The following NTM variants were observed in gnomAD, a reference collection of about 807,000 sequenced individuals.
NTM encodes IgLON family member 2.
NTM carries 13 observed loss-of-function variants against 42.1 expected under a neutral mutation model. The ratio of observed to expected loss-of-function variants is 0.31; its 90% CI spans 0.20 to 0.49. The LOEUF (loss-of-function observed/expected upper bound fraction) is 0.49. NTM is among the 20% of genes least tolerant of loss of function. The pLI, the probability that NTM is intolerant of heterozygous loss-of-function variation, is 0.99. For missense variants in NTM, 373 were observed against 452.8 expected, an observed-to-expected ratio of 0.82 and a Z score of 1.60; for synonymous variants, 187 against 179.2, an observed-to-expected ratio of 1.04 and a Z score of -0.35.
intron 1 of NTM, among the ~76,000 whole-genome samples, chr11:131,595,188 T>A (rs2059711362): frequency 6.6e-6 from 1 of 152,172 alleles, no homozygotes; most frequent in Non-Finnish European, 1.5e-5. Flanking sequence ...CTGCTCTGTC[T>A]AGGGCTCATC....
chr11:131,937,990 A>G (rs2059403839), intron 2 of NTM, among the ~76,000 whole-genome samples: 1 of 152,186 alleles, frequency 6.6e-6, no homozygotes, highest in Admixed American at 6.5e-5. Context: ...CCTAATAGGC[A>G]TGCTCTTAAT....
chr11:131,371,232 A>G (rs544883342), intron 1 of NTM, among the ~76,000 whole-genome samples: 1 of 152,354 alleles, frequency 6.6e-6, no homozygotes, highest in South Asian at 2.1e-4. Flanking sequence ...ACAGATTCGG[A>G]GGGCAACAGG....
At chr11:131,878,899 A>T (rs1345276170) in intron 1 of NTM, among the ~76,000 whole-genome samples, 1 of 151,816 alleles carries the variant, frequency 6.6e-6, no homozygotes, top group Non-Finnish European at 1.5e-5. Flanking sequence ...CCACCCCTAA[A>T]TACTCCAGTG....
At chr11:132,004,336 T>C (rs1358625625) in intron 2 of NTM, among the ~76,000 whole-genome samples, 1 of 152,212 alleles carries the variant, frequency 6.6e-6, no homozygotes, top group Non-Finnish European at 1.5e-5. Flanking sequence ...TCTGTCAAAA[T>C]ATGTCTCATT....
At chr11:131,594,401 A>G (rs2059638521) in intron 1 of NTM, among the ~76,000 whole-genome samples, 1 of 151,970 alleles carries the variant, frequency 6.6e-6, no homozygotes, top group Non-Finnish European at 1.5e-5. Flanking sequence ...AGGAAAGTTT[A>G]CCAATTTTTT....
At chr11:131,880,038 G>A (rs1032268840) in intron 1 of NTM, among the ~76,000 whole-genome samples, 4 of 152,168 alleles carry the variant, frequency 2.6e-5, no homozygotes, top group Admixed American at 2.6e-4. Flanking sequence ...TAAGAGGCTG[G>A]AGACATCGAA....
chr11:131,671,473 G>C, intron 1 of NTM: 3 of 985,418 alleles, frequency 3.0e-6, no homozygotes, highest in Non-Finnish European at 3.6e-6. Flanking sequence ...CAGAGAATGT[G>C]GTTGAATCAG....
chr11:132,056,944 G>T (rs2079776510), intron 2 of NTM, among the ~76,000 whole-genome samples: 1 of 152,160 alleles, frequency 6.6e-6, no homozygotes, highest in Non-Finnish European at 1.5e-5. Context: ...ACAGCTTCTT[G>T]GTTCCAGGGG....
At chr11:132,100,901 G>A (rs1249760079) in intron 2 of NTM, among the ~76,000 whole-genome samples, 1 of 152,162 alleles carries the variant, frequency 6.6e-6, no homozygotes, top group Non-Finnish European at 1.5e-5. Flanking sequence ...ACTACAGAGG[G>A]AAATTTGACA....
intron 1 of NTM, 105 bp downstream of exon 1, chr11:131,370,993 G>C: frequency 6.5e-7 from 1 of 1,549,982 alleles, no homozygotes; most frequent in East Asian, 2.3e-5. Context: ...CTGTTTGCAG[G>C]TGGAGGAGAG....
At chr11:132,145,274 A>T (rs1405232619) in intron 2 of NTM, among the ~76,000 whole-genome samples, 1 of 152,236 alleles carries the variant, frequency 6.6e-6, no homozygotes, top group Non-Finnish European at 1.5e-5. Flanking sequence ...ATTTGTTGCA[A>T]AACATCAAAG....
chr11:132,097,507 T>C (rs942619509), intron 2 of NTM, among the ~76,000 whole-genome samples: 2 of 152,230 alleles, frequency 1.3e-5, no homozygotes, highest in African/African-American at 2.4e-5. Context: ...GAAAGACGAC[T>C]TCCATCTCTT....
At chr11:131,408,562 G>A (rs1242222985) in intron 1 of NTM, among the ~76,000 whole-genome samples, 2 of 152,162 alleles carry the variant, frequency 1.3e-5, no homozygotes, top group Non-Finnish European at 2.9e-5. Context: ...CCACTTTTGA[G>A]TATTTACTTT....
At position 132,262,599 on chromosome 11, in the gene NTM, T is replaced by C. The variant is rs75759164; in HGVS notation, c.527-45090T>C. 3.2e-4 allele frequency among the ~76,000 whole-genome samples: 48 copies of C among 152,286 alleles called. No homozygotes were observed. In the East Asian group the frequency reaches 8.3e-3, roughly 26 times the overall value. The stretch of plus-strand genomic sequence containing the variant: ...TTTTTTTATCTATTCTTACGAGGAC[T>C]TTAATTCCATTCACGAGGACTCCAC... On this transcript the variant is annotated intron_variant, in intron 4 of 8. Coordinates refer to ENST00000683400, the MANE Select transcript of NTM (RefSeq NM_001352005.2).
chr11:131,568,020 C>T lies in NTM; in HGVS notation c.82+197132C>T, dbSNP rs139149900. On this transcript the variant is annotated intron_variant, in intron 1 of 8. Transcript: ENST00000683400. ...AGAGCATAGCAAACACTACTGAAAC[C>T]GCATCATCAGCTGAGAGCACAGTCC... 2.4e-3 allele frequency among the ~76,000 whole-genome samples: 367 copies of T among 152,286 alleles called. 2 individuals carry two copies. Among genetic ancestry groups the T allele is most frequent in the Non-Finnish European group, 3.0e-3 (204 of 68,012 alleles).
intron 1 of NTM, chr11:131,538,165 A>G (rs1256868675): frequency 6.6e-6 from 1 of 152,212 alleles, no homozygotes; most frequent in African/African-American, 2.4e-5. Flanking sequence ...AAATTTTAAA[A>G]CATGAACATG....
intron 1 of NTM, among the ~76,000 whole-genome samples, chr11:131,457,860 A>G (rs1265103733): frequency 3.3e-5 from 5 of 152,086 alleles, no homozygotes; most frequent in Non-Finnish European, 5.9e-5. Flanking sequence ...GGCCCCCGAG[A>G]GCTCTCTTTT....
At chr11:131,913,229 G>T (rs2138026179) in intron 2 of NTM, among the ~76,000 whole-genome samples, 1 of 152,334 alleles carries the variant, frequency 6.6e-6, no homozygotes, top group African/African-American at 2.4e-5. Flanking sequence ...TTCAAGAAAT[G>T]CTTGTTCTCT....
At chr11:131,896,766 G>A (rs947623159) in intron 1 of NTM, among the ~76,000 whole-genome samples, 7 of 143,656 alleles carry the variant, frequency 4.9e-5, no homozygotes, top group African/African-American at 1.8e-4. Context: ...TCAGCTCACT[G>A]CAAGCTCCGC....
Sources: allele counts gnomAD v4.1 joint callset (sites outside exome capture counted in the v4.1 genomes callset), GRCh38; gene constraint gnomAD v4.1.1; transcripts MANE v1.5; gene names NCBI Gene and HGNC (gene_info 2026-07-23, HGNC 2026-07-21).